Variants in MYO5B observed in about 807,000 individuals in gnomAD.
MYO5B encodes myosin VB.
A neutral mutation model predicts 229.3 loss-of-function variants in MYO5B; 143 were observed. The ratio of observed to expected loss-of-function variants is 0.62; its 90% CI spans 0.54 to 0.72. The LOEUF is 0.72. Among genes scored for constraint, MYO5B ranks in the 30% least tolerant of loss-of-function variants. The pLI is 0.00. For missense variants in MYO5B, 2,321 were observed against 2,331.0 expected, an observed-to-expected ratio of 1.00 and a Z score of 0.09; for synonymous variants, 918 against 885.2, an observed-to-expected ratio of 1.04 and a Z score of -0.66.
intron 2 of MYO5B, among the ~76,000 whole-genome samples, chr18:50,050,468 T>C (rs961848935): frequency 6.6e-6 from 1 of 152,240 alleles, no homozygotes; most frequent in African/African-American, 2.4e-5. Flanking sequence ...AATGTCTTCA[T>C]ATGTTCAGTA....
chr18:49,829,859 C>A, intron 39 of MYO5B, among the ~76,000 whole-genome samples: 1 of 152,182 alleles, frequency 6.6e-6, no homozygotes, highest in East Asian at 1.9e-4. Context: ...TCATCTCAAT[C>A]GATGGAGAAA....
intron 2 of MYO5B, among the ~76,000 whole-genome samples, chr18:50,054,160 T>C (rs1403359382): frequency 2.6e-5 from 4 of 152,152 alleles, no homozygotes; most frequent in African/African-American, 9.7e-5. Flanking sequence ...ACACAGTTCC[T>C]GCCTGGGACA....
intron 5 of MYO5B, among the ~76,000 whole-genome samples, chr18:49,993,904 CT>C (rs2025959031): frequency 6.6e-6 from 1 of 152,174 alleles, no homozygotes; most frequent in Admixed American, 6.5e-5. Flanking sequence ...CTTAGCATGG[CT>C]TATGTGCTTG....
chr18:49,886,632 A>C (rs2024644758), intron 22 of MYO5B, among the ~76,000 whole-genome samples: 2 of 53,766 alleles, frequency 3.7e-5, no homozygotes, highest in Admixed American at 5.1e-4. Context: ...TTGGCAATTT[A>C]TTTTGCCAAA....
intron 1 of MYO5B, among the ~76,000 whole-genome samples, chr18:50,150,541 G>C (rs962463938): frequency 1.3e-5 from 2 of 150,918 alleles, no homozygotes; most frequent in African/African-American, 2.4e-5. Flanking sequence ...TAGGGACATG[G>C]ATGAAATTGG....
intron 2 of MYO5B, 124 bp downstream of exon 2, chr18:50,055,144 G>T: frequency 1.4e-6 from 1 of 711,106 alleles, no homozygotes; most frequent in Non-Finnish European, 2.5e-6. Flanking sequence ...GAATCCAAGG[G>T]CTCAAGAGCT....
At chr18:49,973,290 C>T (rs1220417216) in intron 10 of MYO5B, among the ~76,000 whole-genome samples, 1 of 152,152 alleles carries the variant, frequency 6.6e-6, no homozygotes, top group African/African-American at 2.4e-5. Context: ...TGAGCAACAG[C>T]ATCAGAGATG....
At chr18:50,052,511 C>A (rs2030422061) in intron 2 of MYO5B, among the ~76,000 whole-genome samples, 1 of 135,598 alleles carries the variant, frequency 7.4e-6, no homozygotes, top group African/African-American at 2.8e-5. Flanking sequence ...ACAATGAGAA[C>A]ACATGGACAC....
At chr18:49,843,798 T>A (rs568709852) in intron 33 of MYO5B, among the ~76,000 whole-genome samples, 2 of 152,302 alleles carry the variant, frequency 1.3e-5, no homozygotes, top group African/African-American at 4.8e-5. Context: ...GAACTCCTGA[T>A]TCGTGGGCAC....
intron 17 of MYO5B, among the ~76,000 whole-genome samples, chr18:49,918,634 T>C (rs2025042247): frequency 6.6e-6 from 1 of 152,182 alleles, no homozygotes; most frequent in African/African-American, 2.4e-5. Context: ...TGAGCCTCAG[T>C]GGGACTTTGT....
chr18:49,915,231 G>A (rs1470522831), intron 17 of MYO5B, among the ~76,000 whole-genome samples: 2 of 152,058 alleles, frequency 1.3e-5, no homozygotes, highest in South Asian at 2.1e-4. Context: ...CCTTTAGAGT[G>A]TACAATAATT....
intron 29 of MYO5B, among the ~76,000 whole-genome samples, chr18:49,861,151 C>A (rs973637256): frequency 1.3e-5 from 2 of 152,252 alleles, no homozygotes; most frequent in African/African-American, 4.8e-5. Flanking sequence ...GTACTTAACT[C>A]AGTTTCACAG....
At position 49,972,002 on chromosome 18, in the gene MYO5B, T is replaced by C. The variant is rs530773651; in HGVS notation, c.1322+2348A>G. 1.1e-4 allele frequency among the ~76,000 whole-genome samples: 17 copies of C among 152,286 alleles called. No homozygotes were observed. The East Asian group carries it at 2.9e-3, about 26-fold the overall frequency. ...CAAAGGGTAGGAAAATTCCCAAGAA[T>C]GGCCTTATGCTGATGGCCCTGTATC... On this transcript the variant is annotated intron_variant, in intron 10 of 39. Coordinates refer to ENST00000285039, the MANE Select transcript of MYO5B (RefSeq NM_001080467.3).
intron 2 of MYO5B, 38 bp downstream of exon 2, chr18:50,055,230 A>ACCCCCCCCCCCC: frequency 7.7e-6 from 2 of 258,410 alleles, no homozygotes; most frequent in Non-Finnish European, 1.5e-5. Context: ...TCCCTGCCCC[A>ACCCCCCCCCCCC]CCTCACCCCC....
At chr18:49,909,447 TC>T in intron 18 of MYO5B, among the ~76,000 whole-genome samples, 1 of 152,352 alleles carries the variant, frequency 6.6e-6, no homozygotes, top group East Asian at 1.9e-4. Context: ...CTCAGTTTCC[TC>T]ATCTGTAAAA....
At chr18:50,058,705 G>C (rs887555744) in intron 1 of MYO5B, among the ~76,000 whole-genome samples, 1 of 152,104 alleles carries the variant, frequency 6.6e-6, no homozygotes, top group South Asian at 2.1e-4. Flanking sequence ...CAGCTACCTG[G>C]GAGGCTGAGG....
intron 8 of MYO5B, 149 bp downstream of exon 8, chr18:49,984,569 G>T: frequency 1.4e-6 from 1 of 706,712 alleles, no homozygotes; most frequent in Non-Finnish European, 2.6e-6. Context: ...ATGGGTAAGA[G>T]AGTAAGAGAT....
intron 10 of MYO5B, among the ~76,000 whole-genome samples, chr18:49,967,624 C>G (rs76449423): frequency 0.034 from 5,174 of 152,234 alleles, 305 homozygotes; most frequent in African/African-American, 0.12. Flanking sequence ...CCTGGAGAAG[C>G]CTTTAAAAGC....
intron 31 of MYO5B, chr18:49,849,995 G>T: frequency 2.6e-6 from 1 of 387,008 alleles, no homozygotes; most frequent in Non-Finnish European, 4.9e-6. Flanking sequence ...CTCAGCCTAG[G>T]AGTCCCAGGG....
Sources: gnomAD v4.1 joint callset for allele counts (sites outside exome capture counted in the v4.1 genomes callset) on GRCh38, gnomAD v4.1.1 for gene constraint, MANE v1.5 for transcripts, NCBI Gene and HGNC (gene_info 2026-07-23, HGNC 2026-07-21) for gene names.